The following MTSS1 variants were observed in gnomAD, a reference collection of about 807,000 sequenced individuals.
The protein encoded by MTSS1 is protein MTSS 1.
In MTSS1, 18 loss-of-function variants were observed where a neutral mutation model predicts 79.0. That is an observed-to-expected ratio of 0.23 (90% CI 0.16 to 0.34). MTSS1 has a LOEUF of 0.34. Ranked by LOEUF, MTSS1 falls within the 10% of genes least tolerant of loss-of-function variation. MTSS1 has a pLI of 1.00. For missense variants in MTSS1, 815 were observed against 986.2 expected (o/e 0.83, Z 2.33); for synonymous variants, 341 against 368.6 (o/e 0.93, Z 0.86).
chr8:124,592,331 C>T (rs1271552071), intron 3 of MTSS1, among the ~76,000 whole-genome samples: 3 of 152,198 alleles, frequency 2.0e-5, no homozygotes, highest in African/African-American at 7.2e-5. Flanking sequence ...TAGTTCTGCG[C>T]TGAACACTGG....
At chr8:124,725,580 C>A (rs1368097754) in intron 1 of MTSS1, among the ~76,000 whole-genome samples, 2 of 151,980 alleles carry the variant, frequency 1.3e-5, no homozygotes, top group Non-Finnish European at 2.9e-5. Flanking sequence ...GATAGGAGAC[C>A]AAAGGCATTA....
chr8:124,720,564 T>C (rs905027262), intron 1 of MTSS1, among the ~76,000 whole-genome samples: 8 of 152,008 alleles, frequency 5.3e-5, no homozygotes, highest in Non-Finnish European at 7.4e-5. Context: ...AAACAAACAG[T>C]AGGGTTTGCA....
At chr8:124,721,939 C>T (rs1431859566) in intron 1 of MTSS1, among the ~76,000 whole-genome samples, 1 of 152,160 alleles carries the variant, frequency 6.6e-6, no homozygotes, top group Non-Finnish European at 1.5e-5. Context: ...CTGGTGAGAC[C>T]CATTCCCACG....
rs200138589 is a variant in MTSS1, at chr8:124,663,886, C to T, written c.208+35640G>A. On this transcript the variant is annotated intron_variant, in intron 3 of 13. Transcript: ENST00000518547. The stretch of plus-strand genomic sequence containing the variant: ...TGACAGAGAGAAGCCTAGGGCATCA[C>T]GGAGCACAGAGAGGAGCGCAGATCA... Among the ~76,000 whole-genome samples the T allele has an allele frequency of 3.9e-5, 6 of 152,276 alleles. No homozygotes were observed. In the East Asian group the frequency reaches 5.8e-4, roughly 15 times the overall value.
chr8:124,727,971 A>G lies in MTSS1; in HGVS notation c.-16T>C. On this transcript the variant is annotated 5_prime_UTR_variant, in exon 1 of 14. Transcript: ENST00000518547. This position sits in a 1 kb window ranked among gnomAD's most constrained non-coding sequence, Gnocchi z 4.7. ...CAGCCTCCATTTTCCCGGCTCCGGC[A>G]GGGCGAGGGCACACACGCGGGGCCG... The G allele has an allele frequency of 6.2e-7, 1 of 1,607,280 alleles. No homozygotes were observed. Among genetic ancestry groups the G allele is most frequent in the Non-Finnish European group, 8.5e-7 (1 of 1,177,270 alleles).
At chr8:124,611,756 C>A (rs1337745366) in intron 3 of MTSS1, among the ~76,000 whole-genome samples, 3 of 152,168 alleles carry the variant, frequency 2.0e-5, no homozygotes, top group Non-Finnish European at 4.4e-5. Flanking sequence ...TTTAAAACTC[C>A]AGTTTACTTA....
In MTSS1 at chr8:124,728,159, C is replaced by T. The variant is rs1013701959; in HGVS notation, c.-204G>A. The T allele has an allele frequency of 6.3e-6, 3 of 478,744 alleles. No individual in the cohort carries two copies. Among genetic ancestry groups the T allele is most frequent in the Non-Finnish European group, 1.1e-5 (3 of 271,912 alleles). 29.7% of individuals were successfully genotyped at this position (478,744 alleles called of 1,614,324 possible). Reference sequence around the variant, plus strand: ...CAGTAATTTAAAAAGCCAAACCGCTCTGTAGGGTATTCGCCTACAAGCAGC... The same window carrying T: ...CAGTAATTTAAAAAGCCAAACCGCTTTGTAGGGTATTCGCCTACAAGCAGC... On this transcript the variant is annotated 5_prime_UTR_variant, in exon 1 of 14. Coordinates refer to ENST00000518547, the MANE Select transcript of MTSS1 (RefSeq NM_014751.6). The surrounding 1 kb of genome is among the most constrained non-coding windows in gnomAD (Gnocchi z 6.1).
chr8:124,615,646 CA>C lies in MTSS1; in HGVS notation c.209-24412del, dbSNP rs1241011290. Among the ~76,000 whole-genome samples the C allele has an allele frequency of 3.9e-5, 6 of 152,144 alleles. No homozygotes were observed. The East Asian group carries it at 7.7e-4, about 20-fold the overall frequency. On this transcript the variant is annotated intron_variant, in intron 3 of 13. Coordinates refer to ENST00000518547, the MANE Select transcript of MTSS1 (RefSeq NM_014751.6). ...GAAAAAGTCCTGGAGATCTGTGGCACAACACTACAGAACTCTACACTTGAAA... is the reference window on the plus strand; with the variant it reads ...GAAAAAGTCCTGGAGATCTGTGGCACACACTACAGAACTCTACACTTGAAA...
intron 1 of MTSS1, among the ~76,000 whole-genome samples, chr8:124,722,943 G>A (rs1428331869): frequency 7.2e-5 from 11 of 152,158 alleles, no homozygotes; most frequent in South Asian, 6.2e-4. Flanking sequence ...ACCCATGCCC[G>A]TGAAGATGGA....
intron 3 of MTSS1, among the ~76,000 whole-genome samples, chr8:124,676,254 C>T (rs1825269961): frequency 6.6e-6 from 1 of 152,146 alleles, no homozygotes; most frequent in Non-Finnish European, 1.5e-5. Flanking sequence ...TCCTAACATG[C>T]ATGGAAAATG....
At chr8:124,653,019 A>G (rs1820286774) in intron 3 of MTSS1, among the ~76,000 whole-genome samples, 1 of 152,238 alleles carries the variant, frequency 6.6e-6, no homozygotes, top group Non-Finnish European at 1.5e-5. Context: ...TGTCTATTGC[A>G]GCGTGACTTT....
chr8:124,714,656 T>C (rs1236677521), intron 1 of MTSS1, among the ~76,000 whole-genome samples: 1 of 152,056 alleles, frequency 6.6e-6, no homozygotes, highest in East Asian at 1.9e-4. Context: ...AGAGATGGGG[T>C]TTCACTATGT....
At chr8:124,699,487 A>AAT (rs770714982) in intron 3 of MTSS1, 39 bp downstream of exon 3, 1 of 1,588,592 alleles carries the variant, frequency 6.3e-7, no homozygotes, top group Non-Finnish European at 8.6e-7. Context: ...CCACGTGCAG[A>AAT]ATGCAGTTAA....
intron 3 of MTSS1, chr8:124,619,177 T>G (rs1812972868): frequency 6.6e-6 from 1 of 152,226 alleles, no homozygotes; most frequent in East Asian, 1.9e-4. Context: ...CACACGCACT[T>G]CAGGTGACAG....
intron 3 of MTSS1, among the ~76,000 whole-genome samples, chr8:124,668,860 A>G (rs1823606521): frequency 6.6e-6 from 1 of 152,174 alleles, no homozygotes; most frequent in African/African-American, 2.4e-5. Flanking sequence ...GTGAAGTGCA[A>G]ACCACCATTA....
chr8:124,562,725 G>T, intron 10 of MTSS1, 57 bp downstream of exon 10: 1 of 1,537,208 alleles, frequency 6.5e-7, no homozygotes, highest in South Asian at 1.1e-5. Flanking sequence ...TCTGGCCACT[G>T]ACAGTGGTCA....
intron 13 of MTSS1, 118 bp downstream of exon 13, chr8:124,555,624 T>A: frequency 8.0e-7 from 1 of 1,244,354 alleles, no homozygotes; most frequent in Non-Finnish European, 1.1e-6. Context: ...ACGAAAACAA[T>A]CCTGACACCT....
intron 3 of MTSS1, among the ~76,000 whole-genome samples, chr8:124,639,915 C>T (rs1037095855): frequency 1.7e-4 from 24 of 141,534 alleles, no homozygotes; most frequent in African/African-American, 5.9e-4. Context: ...ACAATATAAA[C>T]AGTTTATGAC....
intron 3 of MTSS1, among the ~76,000 whole-genome samples, chr8:124,612,640 G>A (rs1198882835): frequency 6.6e-6 from 1 of 150,510 alleles, no homozygotes; most frequent in Non-Finnish European, 1.5e-5. Context: ...GTGTACGAGA[G>A]AGAAAGAGAG....
Sources: allele counts gnomAD v4.1 joint callset (sites outside exome capture counted in the v4.1 genomes callset), GRCh38; gene constraint gnomAD v4.1.1; non-coding constraint Gnocchi (gnomAD v3.1); transcripts MANE v1.5; gene names NCBI Gene and HGNC (gene_info 2026-07-23, HGNC 2026-07-21).